The following MICU2 variants were observed in gnomAD, a reference collection of about 807,000 sequenced individuals.
MICU2 encodes the protein mitochondrial calcium uptake 2.
A neutral mutation model predicts 60.4 loss-of-function variants in MICU2; 64 were observed. The observed-to-expected ratio is 1.06, with a 90% CI of 0.87 to 1.31. MICU2 has a LOEUF of 1.31. Among genes scored for constraint, MICU2 ranks in the 50% most tolerant of loss-of-function variants. The pLI is 0.00. For missense variants in MICU2, 569 were observed against 531.0 expected (o/e 1.07, Z -0.70); for synonymous variants, 201 against 175.0 (o/e 1.15, Z -1.17).
intron 4 of MICU2, among the ~76,000 whole-genome samples, chr13:21,529,113 T>A (rs571105430): frequency 6.6e-6 from 1 of 152,328 alleles, no homozygotes; most frequent in South Asian, 2.1e-4. Context: ...ACTTGATCTG[T>A]TTCCTATTCT....
At chr13:21,527,094 G>A (rs1016407384) in intron 4 of MICU2, among the ~76,000 whole-genome samples, 1 of 152,128 alleles carries the variant, frequency 6.6e-6, no homozygotes, top group African/African-American at 2.4e-5. Flanking sequence ...TGGAGCAGGT[G>A]TACTTTTCTT....
intron 7 of MICU2, among the ~76,000 whole-genome samples, chr13:21,512,025 C>A (rs1009769750): frequency 2.6e-5 from 4 of 152,154 alleles, no homozygotes; most frequent in African/African-American, 9.7e-5. Flanking sequence ...AGGTTTTGTA[C>A]GAACAATCCC....
chr13:21,522,736 A>C, intron 4 of MICU2, 86 bp from the exon 5 acceptor site: 1 of 1,018,562 alleles, frequency 9.8e-7, no homozygotes, highest in Non-Finnish European at 1.4e-6. Context: ...TCACCTAATT[A>C]AAAAACAATT....
chr13:21,518,868 T>C (rs1352639163), intron 6 of MICU2, among the ~76,000 whole-genome samples: 1 of 152,162 alleles, frequency 6.6e-6, no homozygotes, highest in Non-Finnish European at 1.5e-5. Context: ...CTCAAATATC[T>C]CAAATGAATA....
At chr13:21,508,386 A>G (rs1566141189) in intron 8 of MICU2, among the ~76,000 whole-genome samples, 1 of 152,064 alleles carries the variant, frequency 6.6e-6, no homozygotes, top group Non-Finnish European at 1.5e-5. Context: ...GGCCTTCCAA[A>G]GTGCCAGGAT....
intron 2 of MICU2, among the ~76,000 whole-genome samples, chr13:21,550,177 G>A (rs1195499062): frequency 1.3e-5 from 2 of 152,096 alleles, no homozygotes; most frequent in Non-Finnish European, 2.9e-5. Context: ...AGACATTTTG[G>A]TTTTCCAAAG....
chr13:21,557,204 T>C (rs1208450664), intron 2 of MICU2, among the ~76,000 whole-genome samples: 1 of 152,174 alleles, frequency 6.6e-6, no homozygotes, highest in Non-Finnish European at 1.5e-5. Flanking sequence ...GAGAATGGGA[T>C]TCTGCAATTT....
chr13:21,517,929 A>G (rs1399429102), intron 6 of MICU2, among the ~76,000 whole-genome samples: 2 of 152,190 alleles, frequency 1.3e-5, no homozygotes, highest in African/African-American at 4.8e-5. Flanking sequence ...TTTTAAAATG[A>G]CATGCTGTAT....
intron 6 of MICU2, among the ~76,000 whole-genome samples, chr13:21,519,760 C>G (rs1886670955): frequency 1.3e-5 from 2 of 152,162 alleles, no homozygotes; most frequent in African/African-American, 4.8e-5. Flanking sequence ...GGATCTTTCT[C>G]AACTCAGGCC....
At chr13:21,509,964 C>T (rs757019287) in intron 8 of MICU2, 40 bp downstream of exon 8, 2 of 1,129,516 alleles carry the variant, frequency 1.8e-6, no homozygotes, top group African/African-American at 1.6e-5. Flanking sequence ...ATTTCTTACC[C>T]ATAAAATTTC....
chr13:21,561,234 G>C (rs555780227), intron 2 of MICU2, among the ~76,000 whole-genome samples: 1 of 152,180 alleles, frequency 6.6e-6, no homozygotes, highest in African/African-American at 2.4e-5. Flanking sequence ...ATCTTGGTGA[G>C]TGGTTCCAGG....
chr13:21,520,726 T>C (rs956606397), intron 6 of MICU2, among the ~76,000 whole-genome samples: 1 of 151,982 alleles, frequency 6.6e-6, no homozygotes, highest in East Asian at 1.9e-4. Flanking sequence ...TTGGGTGTTC[T>C]AGAGTTACAT....
intron 1 of MICU2, among the ~76,000 whole-genome samples, chr13:21,597,473 G>A (rs1888718846): frequency 6.6e-6 from 1 of 152,094 alleles, no homozygotes; most frequent in Non-Finnish European, 1.5e-5. Context: ...GTTAGAGAAG[G>A]TCACTTTGTT....
chr13:21,498,987 G>A (rs745644124), intron 9 of MICU2, among the ~76,000 whole-genome samples: 2 of 152,126 alleles, frequency 1.3e-5, no homozygotes, highest in Non-Finnish European at 2.9e-5. Context: ...GTCTTGCTGT[G>A]TTGCCCAGTC....
chr13:21,522,332 T>G (rs1032976850), intron 5 of MICU2, among the ~76,000 whole-genome samples: 2 of 152,192 alleles, frequency 1.3e-5, no homozygotes, highest in African/African-American at 4.8e-5. Flanking sequence ...TAATGTCAGA[T>G]AAGCATTTTT....
chr13:21,538,682 T>C (rs902056571), intron 4 of MICU2, among the ~76,000 whole-genome samples: 3 of 152,010 alleles, frequency 2.0e-5, no homozygotes, highest in African/African-American at 7.3e-5. Flanking sequence ...AATCTAGAGA[T>C]GATTTGAACT....
At chr13:21,575,442 G>A (rs1248948897) in intron 1 of MICU2, among the ~76,000 whole-genome samples, 1 of 150,876 alleles carries the variant, frequency 6.6e-6, no homozygotes, top group Non-Finnish European at 1.5e-5. Flanking sequence ...AAAAGACTAG[G>A]CCGAGTAGGG....
At chr13:21,599,904 C>T (rs535564921) in intron 1 of MICU2, among the ~76,000 whole-genome samples, 2 of 152,246 alleles carry the variant, frequency 1.3e-5, no homozygotes, top group South Asian at 2.1e-4. Context: ...TAATATAGTA[C>T]GAAAATATCT....
intron 9 of MICU2, 118 bp from the exon 10 acceptor site, chr13:21,496,278 A>T: frequency 1.4e-6 from 1 of 731,718 alleles, no homozygotes. Flanking sequence ...AGGAAGAGAC[A>T]ACAGAGCTTT....
Sources: allele counts gnomAD v4.1 joint callset (sites outside exome capture counted in the v4.1 genomes callset), GRCh38; gene constraint gnomAD v4.1.1; transcripts MANE v1.5; gene names NCBI Gene and HGNC (gene_info 2026-07-23, HGNC 2026-07-21).